Variants in MTHFD1L observed in about 807,000 individuals in gnomAD.
The protein encoded by MTHFD1L is methylenetetrahydrofolate dehydrogenase (NADP+ dependent) 1 like.
In MTHFD1L, 81 loss-of-function variants were observed where a neutral mutation model predicts 119.5. That is an observed-to-expected ratio of 0.68 (90% CI 0.57 to 0.82). MTHFD1L has a LOEUF of 0.82. MTHFD1L is among the 40% of genes least tolerant of loss of function. The pLI is 0.00. For synonymous variants in MTHFD1L, 430 were observed against 475.2 expected, an observed-to-expected ratio of 0.90 and a Z score of 1.24; for missense variants, 1,125 against 1,253.4, an observed-to-expected ratio of 0.90 and a Z score of 1.55.
intron 20 of MTHFD1L, among the ~76,000 whole-genome samples, chr6:150,985,429 A>G (rs1778147113): frequency 6.6e-6 from 1 of 152,146 alleles, no homozygotes; most frequent in East Asian, 1.9e-4. Flanking sequence ...TAATCCCAGC[A>G]CTTTGGGAGG....
At chr6:150,898,233 T>G (rs1043988408) in intron 7 of MTHFD1L, among the ~76,000 whole-genome samples, 2 of 152,166 alleles carry the variant, frequency 1.3e-5, no homozygotes, top group Non-Finnish European at 2.9e-5. Flanking sequence ...TTTTCATGGC[T>G]TTTCATATAT....
At chr6:151,076,523 C>T (rs913077982) in intron 26 of MTHFD1L, among the ~76,000 whole-genome samples, 24 of 151,812 alleles carry the variant, frequency 1.6e-4, no homozygotes, top group Non-Finnish European at 2.5e-4. Context: ...TGGTGGCACA[C>T]GCCTGTAATC....
intron 17 of MTHFD1L, chr6:150,959,274 TC>T (rs1796089012): frequency 1.1e-6 from 1 of 883,804 alleles, no homozygotes. Context: ...ATAAAATGTC[TC>T]ATAAGGTGAT....
chr6:150,875,036 C>T (rs1736178856), intron 1 of MTHFD1L, among the ~76,000 whole-genome samples: 2 of 151,824 alleles, frequency 1.3e-5, no homozygotes, highest in South Asian at 4.2e-4. Context: ...GCGTGAGCCA[C>T]CGCTCCTGGA....
At chr6:151,036,804 C>T (rs1562574320) in intron 25 of MTHFD1L, among the ~76,000 whole-genome samples, 161 bp from the exon 26 acceptor site, 1 of 152,210 alleles carries the variant, frequency 6.6e-6, no homozygotes, top group East Asian at 1.9e-4. Context: ...TTATCCTCAC[C>T]TTCTTGCTTC....
At position 150,926,380 on chromosome 6, in the gene MTHFD1L, A is replaced by C; in HGVS notation, c.1256+85A>C. ...TTTATCTCTCTCCTCGTACCCCTCA[A>C]TCCATCCTATTCTCACATTTGACAT... On this transcript the variant is annotated intron_variant, in intron 11 of 27. Transcript: ENST00000367321. The surrounding 1 kb of genome is among the most constrained non-coding windows in gnomAD (Gnocchi z 4.3). The C allele has an allele frequency of 8.6e-7, 1 of 1,169,562 alleles. No homozygotes were observed. The highest frequency in any genetic ancestry group is 1.2e-6 in the Non-Finnish European group (1 of 823,852). The allele number at this position is 1,169,562 out of a possible 1,614,324, so 72.4% of individuals were successfully genotyped here.
intron 1 of MTHFD1L, 48 bp downstream of exon 1, chr6:150,866,097 C>T: frequency 6.8e-7 from 1 of 1,477,172 alleles, no homozygotes; most frequent in Non-Finnish European, 8.9e-7. Context: ...GGCTGTGGCC[C>T]CGACCCAGGG....
At chr6:150,888,577 A>C (rs1782690481) in intron 7 of MTHFD1L, among the ~76,000 whole-genome samples, 2 of 152,228 alleles carry the variant, frequency 1.3e-5, no homozygotes, top group South Asian at 4.1e-4. Context: ...CCCATATAAA[A>C]GCAGAGGTAT....
chr6:151,051,983 A>G (rs1178879123), intron 26 of MTHFD1L, among the ~76,000 whole-genome samples: 1 of 152,224 alleles, frequency 6.6e-6, no homozygotes, highest in African/African-American at 2.4e-5. Flanking sequence ...GGGCAATAAC[A>G]TTGGAAGTGG....
At chr6:150,978,048 A>T (rs966451572) in intron 20 of MTHFD1L, among the ~76,000 whole-genome samples, 1 of 151,858 alleles carries the variant, frequency 6.6e-6, no homozygotes, top group Admixed American at 6.6e-5. Context: ...TTACAGGCGC[A>T]TGCCACCACA....
intron 22 of MTHFD1L, 75 bp from the exon 23 acceptor site, chr6:151,014,805 C>A: frequency 9.3e-7 from 1 of 1,076,474 alleles, no homozygotes; most frequent in Non-Finnish European, 1.4e-6. Flanking sequence ...CAGAGAGGTG[C>A]TGGCAGTTTA....
rs899383140 is a variant in MTHFD1L, at chr6:151,092,583, T to C, written c.*27T>C. 33 of 1,582,866 alleles carry C rather than the reference T, an allele frequency of 2.1e-5. No homozygotes were observed. The East Asian group carries it at 7.4e-4, about 35-fold the overall frequency. ...TGGACAAGGCTCTCACAGGACCCGA[T>C]GCAGGTAGGCTGATGTGCTTCAACT... is the stretch of plus-strand genomic sequence containing the variant. On this transcript the variant is annotated 3_prime_UTR_variant, in exon 27 of 28. Coordinates refer to ENST00000367321, the MANE Select transcript of MTHFD1L (RefSeq NM_015440.5).
intron 21 of MTHFD1L, among the ~76,000 whole-genome samples, chr6:151,010,668 G>GT (rs1436467643): frequency 4.0e-5 from 6 of 151,898 alleles, no homozygotes; most frequent in Non-Finnish European, 7.4e-5. Context: ...ATTTTTGGGG[G>GT]TTTTTTTGTT....
rs1365469081 is a variant in MTHFD1L, at chr6:150,866,262, G to C, written c.227+213G>C. On this transcript the variant is annotated intron_variant, in intron 1 of 27. Transcript: ENST00000367321. ...AGAACGGGGGATCCAGTACCCGACC[G>C]GGCCCGCAGCGCAGGTGGGCGTGGG... The C allele has an allele frequency of 1.3e-5, 18 of 1,438,620 alleles. No individual in the cohort carries two copies. In the East Asian group the frequency reaches 3.9e-4, roughly 31 times the overall value. 89.1% of individuals were successfully genotyped at this position (1,438,620 alleles called of 1,614,324 possible). A position where few individuals can be genotyped will look rare whatever the true frequency, so the allele number is the denominator to read the frequency against.
intron 11 of MTHFD1L, among the ~76,000 whole-genome samples, chr6:150,931,928 G>A (rs1212066729): frequency 1.3e-5 from 2 of 152,070 alleles, no homozygotes; most frequent in Admixed American, 1.3e-4. Flanking sequence ...TTGGGAGGCC[G>A]AGGCGGGCGG....
intron 20 of MTHFD1L, among the ~76,000 whole-genome samples, chr6:150,999,798 A>G (rs1384338489): frequency 1.3e-5 from 2 of 152,308 alleles, no homozygotes; most frequent in East Asian, 3.9e-4. Flanking sequence ...GAGGAAGGAA[A>G]TTCTGAGTTC....
At chr6:150,972,865 G>A (rs1304997072) in intron 20 of MTHFD1L, among the ~76,000 whole-genome samples, 1 of 152,194 alleles carries the variant, frequency 6.6e-6, no homozygotes, top group Non-Finnish European at 1.5e-5. Flanking sequence ...ACCTTTTGCT[G>A]CTGTCAAGTT....
Position 151,034,015 on chromosome 6 carries a change from A to G in MTHFD1L, c.2587-478A>G, listed in dbSNP as rs142023598. ...ACGTGGTGAAACCCAGTCTCTACAA[A>G]AAATGCAGAAAAAAAATTAGCTTGG... On this transcript the variant is annotated intron_variant, in intron 24 of 27. Coordinates refer to ENST00000367321, the MANE Select transcript of MTHFD1L (RefSeq NM_015440.5). Among the ~76,000 whole-genome samples, 352 of 152,096 alleles carry G rather than the reference A, an allele frequency of 2.3e-3. 1 individual carries two copies. Among genetic ancestry groups the G allele is most frequent in the Non-Finnish European group, 3.5e-3 (240 of 68,002 alleles).
chr6:150,943,663 G>C (rs907175216), intron 13 of MTHFD1L, among the ~76,000 whole-genome samples: 1 of 152,058 alleles, frequency 6.6e-6, no homozygotes, highest in African/African-American at 2.4e-5. Flanking sequence ...GAAACTTTTG[G>C]TACATCTACC....
Sources: gnomAD v4.1 joint callset for allele counts (sites outside exome capture counted in the v4.1 genomes callset) on GRCh38, gnomAD v4.1.1 for gene constraint, Gnocchi (gnomAD v3.1) non-coding constraint, MANE v1.5 for transcripts, NCBI Gene and HGNC (gene_info 2026-07-23, HGNC 2026-07-21) for gene names.